The following TAAR5 variants were observed in gnomAD, a reference collection of about 807,000 sequenced individuals.
TAAR5 encodes trace amine associated receptor 5, also known as trace amine-associated receptor 5.
A neutral mutation model predicts 21.1 loss-of-function variants in TAAR5; 27 were observed. The observed-to-expected ratio is 1.28, with a 90% CI of 0.94 to 1.76. The LOEUF is 1.76. Among genes scored for constraint, TAAR5 ranks in the 40% most tolerant of loss-of-function variants. The pLI, the probability that TAAR5 is intolerant of heterozygous loss-of-function variation, is 0.00. For missense variants in TAAR5, 495 were observed against 405.6 expected (o/e 1.22, Z -1.89); for synonymous variants, 203 against 167.5 (o/e 1.21, Z -1.64).
At chr6:132,599,618 C>T in the TAAR5 span, among the ~76,000 whole-genome samples, 88 of 152,158 alleles carry the variant, frequency 5.8e-4, no homozygotes, top group African/African-American at 2.1e-3. Context: ...CATGAGCCAC[C>T]GCTCCCAGCC....
At chr6:132,613,569 T>A in the TAAR5 span, among the ~76,000 whole-genome samples, 6 of 152,214 alleles carry the variant, frequency 3.9e-5, no homozygotes, top group Non-Finnish European at 5.9e-5. Context: ...TCCTCAAGTT[T>A]TAGTTTTAAG....
At chr6:132,598,229 A>G in the TAAR5 span, among the ~76,000 whole-genome samples, 1 of 152,216 alleles carries the variant, frequency 6.6e-6, no homozygotes, top group African/African-American at 2.4e-5. Flanking sequence ...AATTATTGGT[A>G]AATTAGATTT....
chr6:132,611,261 A>G, the TAAR5 span, among the ~76,000 whole-genome samples: 3 of 151,780 alleles, frequency 2.0e-5, no homozygotes, highest in South Asian at 4.2e-4. Context: ...GAGCAGCATG[A>G]TGGTTATCAG....
At chr6:132,598,275 T>G in the TAAR5 span, among the ~76,000 whole-genome samples, 1 of 152,226 alleles carries the variant, frequency 6.6e-6, no homozygotes. Flanking sequence ...CATCATTGTT[T>G]CTTTCAAATC....
the TAAR5 span, among the ~76,000 whole-genome samples, chr6:132,611,161 A>G: frequency 6.6e-6 from 1 of 151,968 alleles, no homozygotes; most frequent in Non-Finnish European, 1.5e-5. Flanking sequence ...TGTAATAGCC[A>G]GGCATAGAAA....
the TAAR5 span, among the ~76,000 whole-genome samples, chr6:132,600,983 A>AGGAAGGAAGGAGGGAAGGAG: frequency 2.6e-5 from 3 of 117,424 alleles, no homozygotes; most frequent in African/African-American, 3.6e-5. Flanking sequence ...GAGGGAAAGA[A>AGGAAGGAAGGAGGGAAGGAG]GGAAGGAAGG....
the TAAR5 span, chr6:132,608,725 C>A: frequency 1.3e-4 from 57 of 455,834 alleles, no homozygotes; most frequent in Admixed American, 1.2e-3. Context: ...GAAATTGAAG[C>A]AAGCAACAAG....
the TAAR5 span, among the ~76,000 whole-genome samples, chr6:132,614,646 G>A: frequency 6.6e-6 from 1 of 152,120 alleles, no homozygotes; most frequent in African/African-American, 2.4e-5. Context: ...GCGACATCAG[G>A]AAATTCCAGA....
At chr6:132,615,179 T>G in the TAAR5 span, among the ~76,000 whole-genome samples, 1 of 152,160 alleles carries the variant, frequency 6.6e-6, no homozygotes, top group African/African-American at 2.4e-5. Flanking sequence ...TTGTTTTATT[T>G]TTTTCCAAAT....
Position 132,588,696 on chromosome 6 carries a change from T to A in TAAR5, c.991A>T (p.Thr331Ser). 6.2e-7 allele frequency: 1 copy of A among 1,613,370 alleles called. No individual in the cohort carries two copies. The highest frequency in any genetic ancestry group is 8.5e-7 in the Non-Finnish European group (1 of 1,179,646). Reference protein sequence around the residue: ...SQKVFSPQTRTVDLYQE With the variant: ...SQKVFSPQTRSVDLYQE Reference sequence around the variant, plus strand: ...AATCATTCTTGGTACAAATCAACAGTGCGTGTCTGCGGTGAGAAGACCTTC... The same window carrying A: ...AATCATTCTTGGTACAAATCAACAGAGCGTGTCTGCGGTGAGAAGACCTTC... Residue 331 changes from threonine (T) to serine (S), a missense_variant, in exon 1 of 1, where the codon ACT becomes TCT. By Grantham distance (58) the Thr-to-Ser change is moderately conservative (BLOSUM62 1). Coordinates refer to ENST00000258034, the MANE Select transcript of TAAR5 (RefSeq NM_003967.3).
chr6:132,599,896 T>C, the TAAR5 span, among the ~76,000 whole-genome samples: 7 of 152,158 alleles, frequency 4.6e-5, no homozygotes, highest in African/African-American at 1.7e-4. Context: ...GAATGGAAAA[T>C]TTTTATTTCA....
the TAAR5 span, among the ~76,000 whole-genome samples, chr6:132,596,711 A>T: frequency 6.6e-6 from 1 of 152,150 alleles, no homozygotes; most frequent in East Asian, 1.9e-4. Flanking sequence ...TACTTGAAAC[A>T]CCAAGCCATA....
chr6:132,608,667 T>C, the TAAR5 span: 12 of 455,918 alleles, frequency 2.6e-5, no homozygotes, highest in Middle Eastern at 3.3e-4. Context: ...TAAAGAAACA[T>C]GTAGTGAACA....
At chr6:132,599,317 T>C in the TAAR5 span, among the ~76,000 whole-genome samples, 2 of 140,386 alleles carry the variant, frequency 1.4e-5, no homozygotes, top group Non-Finnish European at 1.5e-5. Flanking sequence ...GCAAAGCTTT[T>C]CTTTTCTTTT....
chr6:132,590,833 A>C (rs1167133830), upstream of TAAR5, among the ~76,000 whole-genome samples: 1 of 152,200 alleles, frequency 6.6e-6, no homozygotes, highest in Non-Finnish European at 1.5e-5. Flanking sequence ...TTTTGAAGGT[A>C]TTCTTGCCTG....
At chr6:132,593,290 TGA>T (rs1227600957), upstream of TAAR5, among the ~76,000 whole-genome samples, 1 of 152,198 alleles carries the variant, frequency 6.6e-6, no homozygotes, top group Non-Finnish European at 1.5e-5. Context: ...GTAGTGTAAC[TGA>T]GTGGCTATGG....
At position 132,589,365 on chromosome 6, in the gene TAAR5, G is replaced by A. The variant is rs557518982; in HGVS notation, c.322C>T (p.Arg108Cys). 48 of 1,614,042 alleles carry A rather than the reference G, an allele frequency of 3.0e-5. No homozygotes were observed. The highest frequency in any genetic ancestry group is 1.8e-4 in the South Asian group (16 of 91,082). ...AGGGTGTCCAGGTAGGTGTGCAGGC[G>A]GCAGAGGAAGTCCCCGAAGAACCAG... is the stretch of plus-strand genomic sequence containing the variant. Reference protein sequence around the residue: ...SCWFFGDFLCRLHTYLDTLFC... With the variant: ...SCWFFGDFLCCLHTYLDTLFC... The change falls in exon 1 of 1, where the codon CGC (arginine) becomes TGC (cysteine). Residue 108 changes from arginine (R) to cysteine (C), a missense_variant. Arg to Cys is a radical substitution (Grantham distance 180, BLOSUM62 -3). Coordinates refer to ENST00000258034, the MANE Select transcript of TAAR5 (RefSeq NM_003967.3).
the TAAR5 span, among the ~76,000 whole-genome samples, chr6:132,604,500 T>G: frequency 6.6e-6 from 1 of 151,762 alleles, no homozygotes; most frequent in African/African-American, 2.4e-5. Context: ...CAAACTGATC[T>G]TAAAAATTAA....
the TAAR5 span, among the ~76,000 whole-genome samples, chr6:132,605,869 A>C: frequency 4.3e-5 from 6 of 139,928 alleles, no homozygotes; most frequent in Non-Finnish European, 9.2e-5. Context: ...GTGCCCAAAA[A>C]CAGTTGATTG....
Sources: allele counts gnomAD v4.1 joint callset (sites outside exome capture counted in the v4.1 genomes callset), GRCh38; gene constraint gnomAD v4.1.1; transcripts MANE v1.5; gene names NCBI Gene and HGNC (gene_info 2026-07-23, HGNC 2026-07-21).